Variants in OPHN1 observed in about 807,000 individuals in gnomAD.
OPHN1 encodes oligophrenin 1.
In OPHN1, 11 loss-of-function variants were observed where a neutral mutation model predicts 60.7. The observed-to-expected ratio is 0.18, with a 90% CI of 0.11 to 0.30. OPHN1 has a LOEUF of 0.30. OPHN1 is among the 10% of genes least tolerant of loss of function. The pLI is 1.00. For synonymous variants in OPHN1, 226 were observed against 222.6 expected (o/e 1.02, Z -0.14); for missense variants, 449 against 611.0 (o/e 0.73, Z 2.80).
intron 6 of OPHN1, among the ~76,000 whole-genome samples, chrX:68,216,978 G>A (rs768329518): frequency 1.5e-4 from 17 of 112,048 alleles, no homozygotes; most frequent in African/African-American, 4.5e-4. Context: ...CGTGAGCGAC[G>A]CAGAAGACGG....
chrX:68,092,118 A>T (rs1478013838), intron 19 of OPHN1, among the ~76,000 whole-genome samples: 4 of 36,502 alleles, frequency 1.1e-4, no homozygotes, highest in Non-Finnish European at 5.4e-4. Context: ...AAGGAGTAAC[A>T]AAGAAAACTT....
intron 2 of OPHN1, among the ~76,000 whole-genome samples, chrX:68,364,789 C>T (rs1362493169): frequency 1.8e-5 from 2 of 112,371 alleles, no homozygotes; most frequent in African/African-American, 3.2e-5. Flanking sequence ...AAAGAACACA[C>T]AGACATTTCC....
chrX:68,182,665 C>G (rs1186178076), intron 15 of OPHN1, among the ~76,000 whole-genome samples: 2 of 111,889 alleles, frequency 1.8e-5, no homozygotes, highest in African/African-American at 6.5e-5. Flanking sequence ...AATCCCAGCA[C>G]TTTGGGAGGC....
intron 4 of OPHN1, among the ~76,000 whole-genome samples, chrX:68,282,334 GA>G (rs983055004): frequency 9.0e-6 from 1 of 111,607 alleles, no homozygotes; most frequent in Non-Finnish European, 1.9e-5. Flanking sequence ...AAACATTCTG[GA>G]AAAGGCAAAA....
At chrX:68,288,478 C>A (rs751386939) in intron 3 of OPHN1, among the ~76,000 whole-genome samples, 1 of 111,900 alleles carries the variant, frequency 8.9e-6, no homozygotes, top group African/African-American at 3.2e-5. Flanking sequence ...AGGGCAAAAG[C>A]AGAACCAGGC....
intron 2 of OPHN1, among the ~76,000 whole-genome samples, chrX:68,336,932 G>C (rs746598070): frequency 6.3e-5 from 7 of 110,351 alleles, no homozygotes; most frequent in Middle Eastern, 9.2e-3. Flanking sequence ...ATGGTGGTAC[G>C]CATCTATAAT....
chrX:68,064,268 T>A lies in OPHN1; in HGVS notation c.1835-91A>T, dbSNP rs371521498. 5.7e-6 allele frequency: 5 copies of A among 874,877 alleles called. No individual in the cohort carries two copies. In the East Asian group the frequency reaches 1.3e-4, roughly 22 times the overall value. 72.1% of individuals were successfully genotyped at this position (874,877 alleles called of 1,213,427 possible). A position where few individuals can be genotyped will look rare whatever the true frequency, so the allele number is the denominator to read the frequency against. On this transcript the variant is annotated intron_variant, in intron 20 of 24. Transcript: ENST00000355520. ...ATGCATACATACTTAATTTTGAAAA[T>A]TTGTATACATTTTCAAAGCAGTTAT...
rs2077579044 is a variant in OPHN1 at position 68,210,298 on chromosome X, C to A, written c.703-16G>T. On this transcript the variant is annotated splice_polypyrimidine_tract_variant and intron_variant, in intron 8 of 24. Coordinates refer to ENST00000355520, the MANE Select transcript of OPHN1 (RefSeq NM_002547.3). Reference sequence around the variant, plus strand: ...GATTTCTTGTCTGTCAAGACATCATCATGAAAATCATTATTATCATCATCA... The same window carrying A: ...GATTTCTTGTCTGTCAAGACATCATAATGAAAATCATTATTATCATCATCA... 8.4e-7 allele frequency: 1 copy of A among 1,192,985 alleles called. No individual in the cohort carries two copies. The highest frequency in any genetic ancestry group is 2.2e-5 in the Admixed American group (1 of 45,524).
chrX:68,219,283 G>A (rs1457182309), intron 6 of OPHN1, among the ~76,000 whole-genome samples: 3 of 80,707 alleles, frequency 3.7e-5, no homozygotes, highest in Admixed American at 3.0e-4. Context: ...CATAAAGCAA[G>A]TCCTGAGTGA....
chrX:68,356,907 T>C (rs978482696), intron 2 of OPHN1, among the ~76,000 whole-genome samples: 1 of 111,428 alleles, frequency 9.0e-6, no homozygotes, highest in African/African-American at 3.3e-5. Flanking sequence ...TATGATCCCA[T>C]TTATATAAAA....
intron 2 of OPHN1, among the ~76,000 whole-genome samples, chrX:68,368,513 T>C (rs770942807): frequency 3.1e-4 from 34 of 110,280 alleles, no homozygotes; most frequent in Non-Finnish European, 5.5e-4. Context: ...TGCACTCCAG[T>C]CTGGGCAACA....
At chrX:68,062,028 G>C (rs1038513121) in intron 21 of OPHN1, among the ~76,000 whole-genome samples, 1 of 112,215 alleles carries the variant, frequency 8.9e-6, no homozygotes, top group Non-Finnish European at 1.9e-5. Flanking sequence ...TAGGAACTTA[G>C]TTATATAACC....
At chrX:68,414,136 GACCAGA>G (rs1432780700) in intron 2 of OPHN1, among the ~76,000 whole-genome samples, 1 of 111,860 alleles carries the variant, frequency 8.9e-6, no homozygotes, top group African/African-American at 3.2e-5. Context: ...TAGGCACGTT[GACCAGA>G]ACTAAAGATT....
At chrX:68,155,592 T>C (rs1385085324) in intron 15 of OPHN1, among the ~76,000 whole-genome samples, 1 of 112,299 alleles carries the variant, frequency 8.9e-6, no homozygotes, top group African/African-American at 3.2e-5. Flanking sequence ...GTAGTATCTT[T>C]ACAGCAGTGT....
chrX:68,077,894 A>T (rs1323990268), intron 19 of OPHN1, among the ~76,000 whole-genome samples: 1 of 112,106 alleles, frequency 8.9e-6, no homozygotes, highest in Non-Finnish European at 1.9e-5. Context: ...AATTGTAGGG[A>T]TCTAACACAC....
chrX:68,159,156 T>C (rs2077323270), intron 15 of OPHN1, among the ~76,000 whole-genome samples: 1 of 111,884 alleles, frequency 8.9e-6, no homozygotes, highest in African/African-American at 3.3e-5. Context: ...GATTTTTATT[T>C]AAAACAGAGT....
chrX:68,401,838 A>G (rs1338498373), intron 2 of OPHN1, among the ~76,000 whole-genome samples: 1 of 111,865 alleles, frequency 8.9e-6, no homozygotes, highest in Non-Finnish European at 1.9e-5. Flanking sequence ...AGCTGAACAC[A>G]GGTTTGCAGA....
intron 15 of OPHN1, among the ~76,000 whole-genome samples, chrX:68,126,026 A>T (rs1471027982): frequency 1.0e-5 from 1 of 100,440 alleles, no homozygotes; most frequent in Non-Finnish European, 2.0e-5. Flanking sequence ...AACAAATTTT[A>T]AAAATCCTTC....
At chrX:68,048,527 G>C (rs930741039) in intron 23 of OPHN1, 70 bp from the exon 24 acceptor site, 2 of 976,874 alleles carry the variant, frequency 2.0e-6, no homozygotes, top group African/African-American at 3.8e-5. Context: ...TGGGGGAATG[G>C]GGGACACTTC....
Sources: gnomAD v4.1 joint callset for allele counts (sites outside exome capture counted in the v4.1 genomes callset) on GRCh38, gnomAD v4.1.1 for gene constraint, MANE v1.5 for transcripts, NCBI Gene and HGNC (gene_info 2026-07-23, HGNC 2026-07-21) for gene names.